GUCY2F: variants seen among roughly 807,000 people sequenced by gnomAD.
The protein encoded by GUCY2F is guanylate cyclase 2F, retinal.
In GUCY2F, 61 loss-of-function variants were observed where a neutral mutation model predicts 73.1. The ratio of observed to expected loss-of-function variants is 0.83; its 90% CI spans 0.68 to 1.03. The LOEUF (loss-of-function observed/expected upper bound fraction) is 1.03, where lower values mean the gene tolerates loss of function less well. Ranked by LOEUF, GUCY2F falls within the 50% of genes least tolerant of loss-of-function variation. The probability of loss-of-function intolerance (pLI) is 0.00; values close to 1 mark genes in which losing one functional copy is unlikely to be tolerated. For missense variants in GUCY2F, 912 were observed against 854.3 expected (o/e 1.07, Z -0.84); for synonymous variants, 331 against 307.8 (o/e 1.08, Z -0.79).
At chrX:109,398,517 C>A (rs746245771) in intron 11 of GUCY2F, 32 bp downstream of exon 11, 2 of 1,177,721 alleles carry the variant, frequency 1.7e-6, no homozygotes, top group African/African-American at 3.6e-5. Context: ...TCATGGTGGA[C>A]CCCTGGGGCC....
chrX:109,440,608 A>T (rs1026604642), intron 7 of GUCY2F, among the ~76,000 whole-genome samples: 1 of 112,167 alleles, frequency 8.9e-6, no homozygotes, highest in African/African-American at 3.2e-5. Flanking sequence ...AAACAAAACA[A>T]GGAAACCACA....
intron 5 of GUCY2F, 103 bp downstream of exon 5, chrX:109,451,920 T>G (rs994610482): frequency 3.8e-6 from 2 of 523,328 alleles, no homozygotes; most frequent in African/African-American, 4.7e-5. Context: ...CAGTGGGTCA[T>G]GTAATGAGGC....
intron 6 of GUCY2F, among the ~76,000 whole-genome samples, chrX:109,447,680 C>T (rs1425230413): frequency 1.4e-4 from 15 of 106,004 alleles, no homozygotes; most frequent in Admixed American, 5.0e-4. Context: ...ATGTAAATGA[C>T]GAGTTAATGG....
chrX:109,404,520 A>C (rs749080948), intron 9 of GUCY2F, 36 bp from the exon 10 acceptor site: 6 of 1,033,411 alleles, frequency 5.8e-6, no homozygotes, highest in Non-Finnish European at 8.0e-6. Context: ...TTAGCAACTC[A>C]TTTAACTATT....
intron 6 of GUCY2F, among the ~76,000 whole-genome samples, chrX:109,447,848 T>A (rs1354654514): frequency 9.0e-6 from 1 of 111,270 alleles, no homozygotes; most frequent in Non-Finnish European, 1.9e-5. Flanking sequence ...TCTAAAATAT[T>A]TAATTTTGAC....
At chrX:109,434,498 G>T (rs1171463490) in intron 7 of GUCY2F, among the ~76,000 whole-genome samples, 1 of 109,399 alleles carries the variant, frequency 9.1e-6, no homozygotes, top group African/African-American at 3.3e-5. Context: ...GCTACTCCGG[G>T]CACCTTATCT....
intron 8 of GUCY2F, among the ~76,000 whole-genome samples, chrX:109,414,890 C>T (rs1465311842): frequency 9.0e-6 from 1 of 111,177 alleles, no homozygotes. Flanking sequence ...TTAAGCAGAG[C>T]GGTTGAGGGA....
chrX:109,407,828 C>A (rs1931010489), intron 9 of GUCY2F, among the ~76,000 whole-genome samples: 4 of 113,377 alleles, frequency 3.5e-5, no homozygotes, highest in Admixed American at 2.8e-4. Flanking sequence ...GGTTTGGGAA[C>A]CTCTGCCTAG....
chrX:109,441,431 C>G lies in GUCY2F; in HGVS notation c.1621G>C (p.Gly541Arg), dbSNP rs772416837. 2.6e-6 allele frequency: 3 copies of G among 1,163,560 alleles called. No homozygotes were observed. The South Asian group carries it at 5.8e-5, about 23-fold the overall frequency. ...SFQITSEVQS[G>R]RSPRLSFSSG... Reference sequence around the variant, plus strand: ...GAAAAGGAGAGTCTTGGGGACCTCCCACTTTGGACCTCTGAGGTAATCTGG... The same window carrying G: ...GAAAAGGAGAGTCTTGGGGACCTCCGACTTTGGACCTCTGAGGTAATCTGG... Residue 541 changes from glycine to arginine, a missense_variant, in exon 7 of 20, where the codon GGG becomes CGG. Coordinates refer to ENST00000218006, the MANE Select transcript of GUCY2F (RefSeq NM_001522.3).
In GUCY2F at chrX:109,475,610, A is replaced by G; in HGVS notation, c.327T>C (p.Ala109=). The part of the protein sequence containing the change: ...ILNEDCQTSR[A]LSSFISHHQM... ...GGTGGTGGGAAATGAAACTGGAGAG[A>G]GCCCTCGAAGTCTGGCAGTCTTCAT... The change falls in exon 2 of 20, where the codon GCT becomes GCC. Residue 109 remains alanine (A), a synonymous_variant. Transcript: ENST00000218006. The G allele has an allele frequency of 1.7e-6, 2 of 1,210,372 alleles. No individual in the cohort carries two copies. Among genetic ancestry groups the G allele is most frequent in the Non-Finnish European group, 2.2e-6 (2 of 894,275 alleles).
At chrX:109,384,432 A>C (rs1930388587) in intron 16 of GUCY2F, among the ~76,000 whole-genome samples, 1 of 112,473 alleles carries the variant, frequency 8.9e-6, no homozygotes, top group Non-Finnish European at 1.9e-5. Flanking sequence ...ATATAAGCAA[A>C]AGGCACATTG....
chrX:109,380,806 A>G (rs1306158069), intron 17 of GUCY2F, among the ~76,000 whole-genome samples: 1 of 112,188 alleles, frequency 8.9e-6, no homozygotes, highest in Non-Finnish European at 1.9e-5. Flanking sequence ...TTTCAGTTTC[A>G]AAAGTGGCAA....
At chrX:109,458,954 G>A (rs990830326) in intron 3 of GUCY2F, among the ~76,000 whole-genome samples, 1 of 111,511 alleles carries the variant, frequency 9.0e-6, no homozygotes, top group African/African-American at 3.3e-5. Flanking sequence ...TTAAATCTGA[G>A]CTTAATAAAT....
In GUCY2F at chrX:109,475,836, C is replaced by T; in HGVS notation, c.101G>A (p.Trp34Ter). 1 of 1,211,153 alleles carries T rather than the reference C, an allele frequency of 8.3e-7. No homozygotes were observed. The highest frequency in any genetic ancestry group is 1.1e-6 in the Non-Finnish European group (1 of 895,288). The change falls in exon 2 of 20, where the codon TGG (tryptophan) becomes TAG (stop). Residue 34 changes from tryptophan to a stop codon, truncating the protein, a stop_gained. Transcript: ENST00000218006. LOFTEE classifies it high-confidence loss of function. ...HHGLASAKFL[W>*]CLCLLSVMSL... Reference sequence around the variant, plus strand: ...CATGACAGACAGAAGGCACAAGCACCACAGGAACTTGGCAGATGCAAGGCC... The same window carrying T: ...CATGACAGACAGAAGGCACAAGCACTACAGGAACTTGGCAGATGCAAGGCC...
At chrX:109,379,090 T>C (rs1177030913) in intron 17 of GUCY2F, among the ~76,000 whole-genome samples, 1 of 112,353 alleles carries the variant, frequency 8.9e-6, no homozygotes, top group Non-Finnish European at 1.9e-5. Flanking sequence ...ATGAATGGAA[T>C]TGAAGAATAT....
chrX:109,392,116 C>A lies in GUCY2F; in HGVS notation c.2589-13G>T. 8.6e-7 allele frequency: 1 copy of A among 1,158,956 alleles called. No homozygotes were observed. The highest frequency in any genetic ancestry group is 1.2e-6 in the Non-Finnish European group (1 of 858,397). On this transcript the variant is annotated splice_polypyrimidine_tract_variant and intron_variant, in intron 13 of 19. Transcript: ENST00000218006. ...TTCAGCAACTGATCTGAAAAGCAGA[C>A]ACAGCTATTCCTAAGATGACACTGG...
At chrX:109,438,613 C>G (rs2147271682) in intron 7 of GUCY2F, among the ~76,000 whole-genome samples, 1 of 113,089 alleles carries the variant, frequency 8.8e-6, no homozygotes, top group East Asian at 2.8e-4. Context: ...GTTCCAATTC[C>G]CAGACACACT....
At chrX:109,476,636 G>A (rs1446289061) in intron 1 of GUCY2F, among the ~76,000 whole-genome samples, 2 of 110,034 alleles carry the variant, frequency 1.8e-5, no homozygotes, top group Non-Finnish European at 3.8e-5. Flanking sequence ...AGTTAGCCAG[G>A]TGAATGAAGT....
In GUCY2F at chrX:109,453,593, G is replaced by A. The variant is rs55975687; in HGVS notation, c.1299C>T (p.Phe433=). ...TVDMEMELLR[F]GGTPIHFPGG... ...CAGGGAAGTGAATAGGGGTCCCTCC[G>A]AAACGTAGCAGCTCCATTTCCATGT... The change falls in exon 4 of 20, where the codon TTC becomes TTT. Residue 433 remains phenylalanine, a synonymous_variant. Coordinates refer to ENST00000218006, the MANE Select transcript of GUCY2F (RefSeq NM_001522.3). 2,192 of 1,206,805 alleles carry A rather than the reference G, an allele frequency of 1.8e-3. 2 individuals carry two copies. The highest frequency in any genetic ancestry group is 2.4e-3 in the Non-Finnish European group (2,107 of 892,528).
Sources: allele counts gnomAD v4.1 joint callset (sites outside exome capture counted in the v4.1 genomes callset), GRCh38; gene constraint gnomAD v4.1.1; transcripts MANE v1.5; gene names NCBI Gene and HGNC (gene_info 2026-07-23, HGNC 2026-07-21).